The following CLINT1 variants were observed in gnomAD, a reference collection of about 807,000 sequenced individuals.
CLINT1 encodes the protein clathrin interactor 1.
In CLINT1, 15 loss-of-function variants were observed where a neutral mutation model predicts 70.4. The observed-to-expected ratio is 0.21, with a 90% CI of 0.14 to 0.33. The LOEUF is 0.33. Ranked by LOEUF, CLINT1 falls within the 10% of genes least tolerant of loss-of-function variation. The probability of loss-of-function intolerance (pLI) is 1.00; values close to 1 mark genes in which losing one functional copy is unlikely to be tolerated. For synonymous variants in CLINT1, 227 were observed against 254.7 expected, an observed-to-expected ratio of 0.89 and a Z score of 1.04; for missense variants, 615 against 778.1, an observed-to-expected ratio of 0.79 and a Z score of 2.49.
intron 9 of CLINT1, among the ~76,000 whole-genome samples, chr5:157,793,762 G>T (rs1402880563): frequency 6.6e-6 from 1 of 151,966 alleles, no homozygotes; most frequent in Non-Finnish European, 1.5e-5. Context: ...GGAAATACTT[G>T]GAATTTACAA....
intron 1 of CLINT1, among the ~76,000 whole-genome samples, chr5:157,830,030 T>C (rs546379615): frequency 6.6e-6 from 1 of 152,218 alleles, no homozygotes; most frequent in South Asian, 2.1e-4. Context: ...CTGACTACAG[T>C]CTTGACCTCC....
At chr5:157,820,688 A>G (rs1233040470) in intron 1 of CLINT1, among the ~76,000 whole-genome samples, 1 of 152,142 alleles carries the variant, frequency 6.6e-6, no homozygotes, top group Non-Finnish European at 1.5e-5. Flanking sequence ...TGCCCTACCC[A>G]TAATTCCAGT....
In CLINT1 at chr5:157,809,902, T is replaced by C. The variant is rs1031311834; in HGVS notation, c.518-97A>G. ...TCTCAGGCTTTTCCTCATAATAAAA[T>C]CATTTTCAAAGGAAAACAGAAAGCT... On this transcript the variant is annotated intron_variant, in intron 5 of 11. Transcript: ENST00000411809. 8 of 1,242,464 alleles carry C rather than the reference T, an allele frequency of 6.4e-6. No homozygotes were observed. In the Admixed American group the frequency reaches 1.3e-4, roughly 21 times the overall value. The allele number at this position is 1,242,464 out of a possible 1,614,324, so 77.0% of individuals were successfully genotyped here.
intron 1 of CLINT1, among the ~76,000 whole-genome samples, chr5:157,822,883 C>T (rs1356116835): frequency 6.6e-6 from 1 of 152,044 alleles, no homozygotes; most frequent in African/African-American, 2.4e-5. Context: ...ATATGCTTTG[C>T]TAAAACAAAA....
chr5:157,817,382 A>C, intron 2 of CLINT1, 61 bp downstream of exon 2: 1 of 1,059,132 alleles, frequency 9.4e-7, no homozygotes, highest in East Asian at 2.6e-5. Flanking sequence ...AGCAAATTTC[A>C]TATTTCTGTG....
intron 1 of CLINT1, among the ~76,000 whole-genome samples, chr5:157,823,976 A>G (rs934110002): frequency 2.6e-5 from 4 of 152,146 alleles, no homozygotes; most frequent in African/African-American, 9.7e-5. Context: ...ATGGTCTGAG[A>G]TGGAACAGTT....
intron 1 of CLINT1, among the ~76,000 whole-genome samples, chr5:157,851,296 TGA>T (rs951797375): frequency 1.6e-4 from 24 of 152,246 alleles, no homozygotes; most frequent in African/African-American, 5.3e-4. Context: ...CACATAATGA[TGA>T]GTGTGTGCAA....
At chr5:157,844,765 T>C (rs1753312214) in intron 1 of CLINT1, among the ~76,000 whole-genome samples, 1 of 152,280 alleles carries the variant, frequency 6.6e-6, no homozygotes, top group South Asian at 2.1e-4. Context: ...GATCACAGGA[T>C]TATAGAACTT....
intron 9 of CLINT1, among the ~76,000 whole-genome samples, chr5:157,794,491 G>A (rs1229119605): frequency 6.6e-6 from 1 of 152,120 alleles, no homozygotes; most frequent in African/African-American, 2.4e-5. Flanking sequence ...AAATTAAAAA[G>A]GAATGCATTT....
chr5:157,801,764 T>C lies in CLINT1; in HGVS notation c.1012+1886A>G, dbSNP rs1762229330. On this transcript the variant is annotated intron_variant, in intron 8 of 11. Transcript: ENST00000411809. ...AAGAGAATTGCTTGAATAAAGTTCA[T>C]GCCTAATCCAAGAATTTTAACATAG... 2.0e-5 allele frequency among the ~76,000 whole-genome samples: 3 copies of C among 152,174 alleles called. No homozygotes were observed. In the South Asian group the frequency reaches 6.2e-4, roughly 32 times the overall value.
chr5:157,853,391 G>A (rs146897629), intron 1 of CLINT1, among the ~76,000 whole-genome samples: 26 of 151,768 alleles, frequency 1.7e-4, no homozygotes, highest in African/African-American at 6.0e-4. Flanking sequence ...CAACTGTAGA[G>A]CCATATTGTG....
chr5:157,851,866 A>T (rs1753589065), intron 1 of CLINT1, among the ~76,000 whole-genome samples: 1 of 152,128 alleles, frequency 6.6e-6, no homozygotes, highest in African/African-American at 2.4e-5. Context: ...CAAACATAGG[A>T]ATATATTACG....
At chr5:157,797,955 A>C (rs1448739787) in intron 8 of CLINT1, among the ~76,000 whole-genome samples, 3 of 152,208 alleles carry the variant, frequency 2.0e-5, no homozygotes, top group Non-Finnish European at 2.9e-5. Flanking sequence ...TGGGAGCAAA[A>C]AATGGAAAGA....
intron 8 of CLINT1, among the ~76,000 whole-genome samples, chr5:157,801,608 A>G (rs1228609709): frequency 6.6e-6 from 1 of 150,506 alleles, no homozygotes; most frequent in Non-Finnish European, 1.5e-5. Context: ...TGAGGCAGGC[A>G]GATCACCTGA....
chr5:157,858,883 C>G, intron 1 of CLINT1, 47 bp downstream of exon 1: 1 of 494,278 alleles, frequency 2.0e-6, no homozygotes, highest in Non-Finnish European at 3.7e-6. Flanking sequence ...CTCCCCCTCC[C>G]CCCTCCCCCA....
intron 8 of CLINT1, among the ~76,000 whole-genome samples, chr5:157,801,505 T>C (rs1762221509): frequency 6.7e-6 from 1 of 149,242 alleles, no homozygotes; most frequent in Non-Finnish European, 1.5e-5. Context: ...AAACTCTGTC[T>C]CAAAAAAAAA....
intron 6 of CLINT1, among the ~76,000 whole-genome samples, chr5:157,808,153 C>T (rs1762441187): frequency 6.6e-6 from 1 of 152,020 alleles, no homozygotes; most frequent in Non-Finnish European, 1.5e-5. Context: ...AGAGCTGTTT[C>T]CCTCATTAAT....
intron 1 of CLINT1, among the ~76,000 whole-genome samples, chr5:157,855,216 G>A (rs1301528735): frequency 1.3e-5 from 2 of 148,790 alleles, no homozygotes; most frequent in Non-Finnish European, 3.0e-5. Context: ...TCCTTGCAAG[G>A]AAAGAGAAGG....
At chr5:157,845,227 T>C (rs1323274484) in intron 1 of CLINT1, among the ~76,000 whole-genome samples, 1 of 152,066 alleles carries the variant, frequency 6.6e-6, no homozygotes, top group South Asian at 2.1e-4. Context: ...CACACGCTTG[T>C]AATCCCAGCT....
Sources: allele counts gnomAD v4.1 joint callset (sites outside exome capture counted in the v4.1 genomes callset), GRCh38; gene constraint gnomAD v4.1.1; transcripts MANE v1.5; gene names NCBI Gene and HGNC (gene_info 2026-07-23, HGNC 2026-07-21).